The following UBN2 variants were observed in gnomAD, a reference collection of about 807,000 sequenced individuals.
UBN2 encodes the protein ubinuclein-2.
In UBN2, 35 loss-of-function variants were observed where a neutral mutation model predicts 120.2. The observed-to-expected ratio is 0.29, with a 90% CI of 0.22 to 0.39. The LOEUF is 0.39. Among genes scored for constraint, UBN2 ranks in the 10% least tolerant of loss-of-function variants. The probability of loss-of-function intolerance (pLI) is 1.00; values close to 1 mark genes in which losing one functional copy is unlikely to be tolerated. For synonymous variants in UBN2, 661 were observed against 648.7 expected (o/e 1.02, Z -0.29); for missense variants, 1,693 against 1,663.2 (o/e 1.02, Z -0.31).
intron 15 of UBN2, among the ~76,000 whole-genome samples, chr7:139,289,000 C>CAA (rs200360523): frequency 0.11 from 7,006 of 66,492 alleles, 431 homozygotes; most frequent in African/African-American, 0.2. Context: ...GACGCCATCT[C>CAA]AAAAAAAAAA....
chr7:139,252,191 G>C, intron 3 of UBN2, 134 bp downstream of exon 3: 1 of 595,370 alleles, frequency 1.7e-6, no homozygotes, highest in Non-Finnish European at 2.7e-6. Context: ...ACTACTTAAA[G>C]ATTTCTTTAC....
In UBN2 at chr7:139,256,145, G is replaced by A. The variant is rs900980243; in HGVS notation, c.664-2343G>A. ...CACAAAGAGTGTATTCCTCTGAAGA[G>A]TGTTCGGATAGGAAAAGCTCAGCAG... On this transcript the variant is annotated intron_variant, in intron 3 of 17. Coordinates refer to ENST00000473989, the MANE Select transcript of UBN2 (RefSeq NM_173569.4). 3.3e-5 allele frequency among the ~76,000 whole-genome samples: 5 copies of A among 152,152 alleles called. No homozygotes were observed. The East Asian group carries it at 7.7e-4, about 23-fold the overall frequency.
intron 8 of UBN2, among the ~76,000 whole-genome samples, chr7:139,270,068 G>A (rs909628181): frequency 4.6e-5 from 7 of 152,062 alleles, no homozygotes; most frequent in African/African-American, 4.8e-5. Flanking sequence ...ATATCCCTTT[G>A]GCTATGGAAG....
chr7:139,270,260 A>G (rs1055111659), intron 8 of UBN2, among the ~76,000 whole-genome samples: 2 of 151,304 alleles, frequency 1.3e-5, no homozygotes, highest in African/African-American at 4.9e-5. Flanking sequence ...GTCTACATAT[A>G]GCAGAAATAC....
At chr7:139,280,921 G>A (rs1797589305) in intron 13 of UBN2, among the ~76,000 whole-genome samples, 1 of 152,324 alleles carries the variant, frequency 6.6e-6, no homozygotes, top group African/African-American at 2.4e-5. Flanking sequence ...TGGGATTACA[G>A]GCATGCGCCA....
At position 139,300,590 on chromosome 7, in the gene UBN2, T is replaced by G. The variant is rs1188490167; in HGVS notation, c.*2754T>G. The G allele has an allele frequency of 6.6e-6, 1 of 152,218 alleles. No individual in the cohort carries two copies. Among genetic ancestry groups the G allele is most frequent in the Non-Finnish European group, 1.5e-5 (1 of 68,034 alleles). The allele number at this position is 152,218 out of a possible 1,614,324, so 9.4% of individuals were successfully genotyped here. On this transcript the variant is annotated 3_prime_UTR_variant, in exon 18 of 18. Coordinates refer to ENST00000473989, the MANE Select transcript of UBN2 (RefSeq NM_173569.4). ...AAATGGTGAGTCATTGGAAAGGATA[T>G]CTATAGAGCAACGTGTATTTCTGAA...
At chr7:139,286,128 A>T (rs1415872979) in intron 15 of UBN2, among the ~76,000 whole-genome samples, 1 of 152,146 alleles carries the variant, frequency 6.6e-6, no homozygotes, top group African/African-American at 2.4e-5. Context: ...GTGTATTGCC[A>T]TGTTGGCCAG....
chr7:139,265,427 G>C (rs970691053), intron 6 of UBN2, among the ~76,000 whole-genome samples: 1 of 152,130 alleles, frequency 6.6e-6, no homozygotes, highest in Admixed American at 6.5e-5. Context: ...GCAGTAAGCC[G>C]AGATCGCGCC....
At chr7:139,260,715 A>G (rs950611107) in intron 5 of UBN2, among the ~76,000 whole-genome samples, 2 of 152,318 alleles carry the variant, frequency 1.3e-5, no homozygotes, top group Non-Finnish European at 2.9e-5. Context: ...GTATATTACT[A>G]ATGGTTGTCT....
chr7:139,310,273 T>A (rs1469714434), downstream of UBN2, among the ~76,000 whole-genome samples: 2 of 150,832 alleles, frequency 1.3e-5, no homozygotes, highest in South Asian at 2.1e-4. Flanking sequence ...GTTGCAGTAA[T>A]CTATCCTGGG....
At chr7:139,267,551 AGAG>A (rs1797137515) in intron 7 of UBN2, among the ~76,000 whole-genome samples, 4 of 151,120 alleles carry the variant, frequency 2.6e-5, no homozygotes, top group African/African-American at 9.8e-5. Context: ...AAAAAAAAAG[AGAG>A]AAAGAGAGAA....
chr7:139,263,561 G>C (rs1797001559), intron 6 of UBN2, among the ~76,000 whole-genome samples: 1 of 152,016 alleles, frequency 6.6e-6, no homozygotes, highest in South Asian at 2.1e-4. Flanking sequence ...ATCACCTGAG[G>C]TCGGGAGTTT....
downstream of UBN2, among the ~76,000 whole-genome samples, chr7:139,309,069 A>T (rs1798411591): frequency 6.6e-6 from 1 of 152,238 alleles, no homozygotes; most frequent in Admixed American, 6.5e-5. Context: ...CCGTCTCAAC[A>T]ACAAAAAAAA....
chr7:139,254,007 G>T (rs1005675187), intron 3 of UBN2, among the ~76,000 whole-genome samples: 1 of 152,154 alleles, frequency 6.6e-6, no homozygotes, highest in Admixed American at 6.5e-5. Flanking sequence ...TAATTCTGCT[G>T]TCACGGCCGG....
At chr7:139,259,398 A>G in intron 5 of UBN2, 28 bp downstream of exon 5, 5 of 1,610,290 alleles carry the variant, frequency 3.1e-6, no homozygotes, top group Non-Finnish European at 4.2e-6. Context: ...TAAGAAGGGA[A>G]CTGGCGTCAC....
At chr7:139,289,797 C>T (rs1165297525) in intron 15 of UBN2, among the ~76,000 whole-genome samples, 1 of 152,118 alleles carries the variant, frequency 6.6e-6, no homozygotes, top group East Asian at 1.9e-4. Flanking sequence ...ATTTAATGTT[C>T]CTCACTAGGG....
chr7:139,259,420 C>G, intron 5 of UBN2, 50 bp downstream of exon 5: 1 of 1,598,626 alleles, frequency 6.3e-7, no homozygotes, highest in Non-Finnish European at 8.5e-7. Context: ...GTCTGACTGT[C>G]TCTCCCTTTA....
At chr7:139,234,997 A>AG (rs1796125476) in intron 1 of UBN2, among the ~76,000 whole-genome samples, 1 of 151,890 alleles carries the variant, frequency 6.6e-6, no homozygotes, top group Non-Finnish European at 1.5e-5. Flanking sequence ...TGATTGGGGG[A>AG]GGGTGTTTAT....
chr7:139,249,060 G>A (rs1322558566), intron 2 of UBN2, among the ~76,000 whole-genome samples: 3 of 151,432 alleles, frequency 2.0e-5, no homozygotes, highest in Non-Finnish European at 4.4e-5. Flanking sequence ...GTTGTTTAAG[G>A]TTGCCAACTG....
Sources: gnomAD v4.1 joint callset for allele counts (sites outside exome capture counted in the v4.1 genomes callset) on GRCh38, gnomAD v4.1.1 for gene constraint, MANE v1.5 for transcripts, NCBI Gene and HGNC (gene_info 2026-07-23, HGNC 2026-07-21) for gene names.